The following LPA variants were observed in gnomAD, a reference collection of about 807,000 sequenced individuals.
LPA encodes lipoprotein(a).
LPA carries 199 observed loss-of-function variants against 197.9 expected under a neutral mutation model. The observed-to-expected ratio is 1.01, with a 90% CI of 0.90 to 1.13. The LOEUF is 1.13. Ranked by LOEUF, LPA falls within the 50% of genes most tolerant of loss-of-function variation. LPA has a pLI of 0.00. For missense variants in LPA, 1,853 were observed against 1,785.8 expected, an observed-to-expected ratio of 1.04 and a Z score of -0.68; for synonymous variants, 715 against 639.5, an observed-to-expected ratio of 1.12 and a Z score of -1.78.
chr6:160,548,764 A>C (rs973004824), intron 30 of LPA, 105 bp from the exon 31 acceptor site: 1 of 1,161,086 alleles, frequency 8.6e-7, no homozygotes, highest in African/African-American at 1.5e-5. Context: ...AGTGTCTTTG[A>C]AATATTCCCA....
In LPA at chr6:160,585,099, C is replaced by A. The variant is rs1278172807; in HGVS notation, c.4236G>T (p.Trp1412Cys). Residue 1412 changes from tryptophan (W) to cysteine (C), a missense_variant, in exon 26 of 39, where the codon TGG (tryptophan) becomes TGT (cysteine). Trp to Cys is a radical substitution (Grantham distance 215, BLOSUM62 -2). This residue lies in a region of LPA where 1,737 missense variants were observed against 1,504.4 expected (regional missense o/e 1.15). Transcript: ENST00000316300. ...TTITGRTCQSWSSMTPHWHRR... is the reference protein window; with the variant it reads ...TTITGRTCQSCSSMTPHWHRR... Reference sequence around the variant, plus strand: ...GATGCCAATGTGGTGTCATAGACGACCAAGACTGACATGTTCTTCCTGTGA... The same window carrying A: ...GATGCCAATGTGGTGTCATAGACGAACAAGACTGACATGTTCTTCCTGTGA... The A allele has an allele frequency of 6.2e-7, 1 of 1,613,826 alleles. No homozygotes were observed. The highest frequency in any genetic ancestry group is 8.5e-7 in the Non-Finnish European group (1 of 1,179,812).
chr6:160,586,419 G>A (rs530511710), intron 25 of LPA, 30 bp downstream of exon 25: 7 of 1,611,040 alleles, frequency 4.3e-6, no homozygotes, highest in Non-Finnish European at 5.1e-6. Flanking sequence ...AATGTCCGAG[G>A]GTATGGTTGT....
intron 1 of LPA, among the ~76,000 whole-genome samples, chr6:160,653,644 TA>T (rs1197600154): frequency 6.6e-6 from 1 of 151,404 alleles, no homozygotes; most frequent in African/African-American, 2.4e-5. Flanking sequence ...TTCCAAAAGA[TA>T]AAAGAGGACA....
intron 28 of LPA, among the ~76,000 whole-genome samples, chr6:160,567,492 G>A (rs141595582): frequency 1.3e-5 from 2 of 152,170 alleles, no homozygotes; most frequent in Non-Finnish European, 2.9e-5. Context: ...CACATTTAAA[G>A]CAGTGTGTAG....
intron 25 of LPA, 45 bp from the exon 26 acceptor site, chr6:160,585,250 G>A (rs1159040698): frequency 3.1e-6 from 5 of 1,605,708 alleles, no homozygotes; most frequent in South Asian, 1.1e-5. Context: ...CCTAGAAAAG[G>A]GAAATGTGAA....
At chr6:160,539,218 C>T (rs985624717) in intron 36 of LPA, among the ~76,000 whole-genome samples, 2 of 152,116 alleles carry the variant, frequency 1.3e-5, no homozygotes, top group African/African-American at 4.8e-5. Flanking sequence ...ACCAGCACAG[C>T]GAGCACCCCA....
intron 27 of LPA, among the ~76,000 whole-genome samples, chr6:160,577,951 C>T (rs1048297063): frequency 6.6e-6 from 1 of 152,154 alleles, no homozygotes; most frequent in Non-Finnish European, 1.5e-5. Flanking sequence ...GCAAGAACAC[C>T]TAGAAATTTC....
At chr6:160,615,337 G>C (rs1158202830) in intron 14 of LPA, among the ~76,000 whole-genome samples, 1 of 147,482 alleles carries the variant, frequency 6.8e-6, no homozygotes, top group Non-Finnish European at 1.5e-5. Flanking sequence ...GTGTGAGTAT[G>C]GGTGTGTTTT....
At chr6:160,657,218 T>A (rs1434642458) in intron 1 of LPA, among the ~76,000 whole-genome samples, 2 of 152,106 alleles carry the variant, frequency 1.3e-5, no homozygotes, top group East Asian at 1.9e-4. Context: ...CAAGGGTGTA[T>A]CTTCTGGACC....
intron 19 of LPA, among the ~76,000 whole-genome samples, chr6:160,599,979 A>T (rs1391419896): frequency 6.6e-6 from 1 of 152,226 alleles, no homozygotes; most frequent in East Asian, 1.9e-4. Flanking sequence ...TCATGACGAC[A>T]TGGAACAGCA....
intron 37 of LPA, among the ~76,000 whole-genome samples, chr6:160,536,764 A>C (rs1390191357): frequency 1.3e-5 from 2 of 152,230 alleles, no homozygotes; most frequent in African/African-American, 2.4e-5. Flanking sequence ...CAGACTCAGC[A>C]GTGCAGAAAA....
chr6:160,578,768 C>T (rs1383688225), intron 26 of LPA, 64 bp from the exon 27 acceptor site: 2 of 1,611,436 alleles, frequency 1.2e-6, no homozygotes, highest in South Asian at 1.1e-5. Context: ...ACTTAGCGCC[C>T]TCTACATTTT....
chr6:160,542,945 T>G, intron 33 of LPA, 137 bp from the exon 34 acceptor site: 3 of 1,213,122 alleles, frequency 2.5e-6, no homozygotes, highest in South Asian at 2.6e-5. Flanking sequence ...AAACACTCTT[T>G]AGATTTTTCT....
At chr6:160,542,140 T>G (rs1777991202) in intron 34 of LPA, among the ~76,000 whole-genome samples, 1 of 152,166 alleles carries the variant, frequency 6.6e-6, no homozygotes, top group Non-Finnish European at 1.5e-5. Flanking sequence ...ACCCAAAATG[T>G]CCAGGTTCTG....
chr6:160,605,002 T>G (rs1779316189), intron 18 of LPA, 44 bp downstream of exon 18: 2 of 1,611,088 alleles, frequency 1.2e-6, no homozygotes, highest in Non-Finnish European at 1.7e-6. Context: ...AACAGAAATT[T>G]CCACTGACCC....
rs544188252 is a variant in LPA at position 160,565,634 on chromosome 6, G to A, written c.4632-8063C>T. ...GGTGCCTCTTCTCCTCCGAAGGAAC[G>A]CAGCTCCTCACGAGCAACAGAACAA... On this transcript the variant is annotated intron_variant, in intron 28 of 38. Transcript: ENST00000316300. Among the ~76,000 whole-genome samples, 117 of 152,322 alleles carry A rather than the reference G, an allele frequency of 7.7e-4. 1 individual carries two copies. Among genetic ancestry groups the A allele is most frequent in the African/African-American group, 2.2e-3 (91 of 41,576 alleles).
At chr6:160,579,262 A>T (rs1422381551) in intron 26 of LPA, among the ~76,000 whole-genome samples, 1 of 152,160 alleles carries the variant, frequency 6.6e-6, no homozygotes, top group Non-Finnish European at 1.5e-5. Flanking sequence ...TGCAATATAA[A>T]ATAATCATGA....
chr6:160,650,268 T>C, intron 2 of LPA, 70 bp downstream of exon 2: 2 of 1,513,704 alleles, frequency 1.3e-6, no homozygotes, highest in Non-Finnish European at 1.8e-6. Flanking sequence ...GAAGTTAGCT[T>C]GACGCACACC....
chr6:160,661,546 C>T (rs1037501613), intron 1 of LPA, among the ~76,000 whole-genome samples: 15 of 152,150 alleles, frequency 9.9e-5, no homozygotes, highest in Non-Finnish European at 1.2e-4. Flanking sequence ...GGAGGATGCA[C>T]GCTCACTGTT....
Sources: allele counts gnomAD v4.1 joint callset (sites outside exome capture counted in the v4.1 genomes callset), GRCh38; gene constraint gnomAD v4.1.1; regional missense constraint gnomAD v4.1.1; transcripts MANE v1.5; gene names NCBI Gene and HGNC (gene_info 2026-07-23, HGNC 2026-07-21).